Variants in MMS19 observed in about 807,000 individuals in gnomAD.
The protein encoded by MMS19 is MMS19 nucleotide excision repair protein homolog.
In MMS19, 77 loss-of-function variants were observed where a neutral mutation model predicts 129.8. The ratio of observed to expected loss-of-function variants is 0.59; its 90% CI spans 0.49 to 0.72. The LOEUF (loss-of-function observed/expected upper bound fraction) is 0.72. MMS19 is among the 30% of genes least tolerant of loss of function. MMS19 has a pLI of 0.00. For synonymous variants in MMS19, 491 were observed against 502.8 expected, an observed-to-expected ratio of 0.98 and a Z score of 0.31; for missense variants, 1,168 against 1,266.3, an observed-to-expected ratio of 0.92 and a Z score of 1.18.
rs1564694696 is a variant in MMS19, at chr10:97,486,861, C to CTATATATATATATATATATA, written c.113-2711_113-2710insTATATATATATATATATATA. 5.1e-4 allele frequency among the ~76,000 whole-genome samples: 8 copies of CTATATATATATATATATATA among 15,612 alleles called. 1 individual carries two copies. The highest frequency in any genetic ancestry group is 4.7e-3 in the South Asian group (2 of 430). 10.2% of individuals were successfully genotyped at this position (15,612 alleles called of 152,430 possible). On this transcript the variant is annotated intron_variant, in intron 1 of 30. Transcript: ENST00000438925. ...ATAAGCTTATCCTGAAATTAAAGTG[C>CTATATATATATATATATATA]CATATATATATATATATATATATAT...
At chr10:97,483,261 C>T (rs1030548889) in intron 2 of MMS19, among the ~76,000 whole-genome samples, 2 of 152,038 alleles carry the variant, frequency 1.3e-5, no homozygotes, top group Non-Finnish European at 2.9e-5. Context: ...ACCTTGTTGC[C>T]CAGGCTGGTC....
At chr10:97,485,026 C>T (rs2135481552) in intron 1 of MMS19, among the ~76,000 whole-genome samples, 1 of 152,328 alleles carries the variant, frequency 6.6e-6, no homozygotes, top group East Asian at 1.9e-4. Flanking sequence ...CCTCCCATCT[C>T]AGTCTCCCAA....
chr10:97,496,056 C>A (rs2039723282), intron 1 of MMS19, among the ~76,000 whole-genome samples: 1 of 152,326 alleles, frequency 6.6e-6, no homozygotes, highest in African/African-American at 2.4e-5. Flanking sequence ...GTTGGCATTA[C>A]AGGCGTGAGC....
intron 20 of MMS19, 90 bp downstream of exon 20, chr10:97,462,493 A>C (rs1193405535): frequency 1.1e-6 from 1 of 892,620 alleles, no homozygotes; most frequent in Non-Finnish European, 1.8e-6. Context: ...TATAGGTAAA[A>C]GGACAGCTGA....
At chr10:97,480,734 C>T (rs541204746) in intron 3 of MMS19, among the ~76,000 whole-genome samples, 1 of 152,292 alleles carries the variant, frequency 6.6e-6, no homozygotes, top group South Asian at 2.1e-4. Context: ...ACACCATGCC[C>T]AGCTAACGTT....
intron 23 of MMS19, 27 bp from the exon 24 acceptor site, chr10:97,461,034 A>G (rs781190166): frequency 6.6e-7 from 1 of 1,511,628 alleles, no homozygotes; most frequent in Non-Finnish European, 9.0e-7. Flanking sequence ...AAATGCTGAC[A>G]TAAAGGCTAC....
intron 1 of MMS19, among the ~76,000 whole-genome samples, chr10:97,492,991 G>C (rs897424517): frequency 2.6e-5 from 4 of 152,042 alleles, no homozygotes; most frequent in South Asian, 4.2e-4. Context: ...TAGTCTGTTG[G>C]AGCAGAAAGA....
In MMS19 at chr10:97,458,644, G is replaced by A; in HGVS notation, c.*48C>T. On this transcript the variant is annotated 3_prime_UTR_variant, in exon 31 of 31. Coordinates refer to ENST00000438925, the MANE Select transcript of MMS19 (RefSeq NM_022362.5). ...TTTGGGGAAGATGGCTCAACAGTTAGTAATCCCAGGTTAGATTGTCAGAAC... is the reference window on the plus strand; with the variant it reads ...TTTGGGGAAGATGGCTCAACAGTTAATAATCCCAGGTTAGATTGTCAGAAC... 1 of 1,558,754 alleles carries A rather than the reference G, an allele frequency of 6.4e-7. No individual in the cohort carries two copies. The highest frequency in any genetic ancestry group is 8.7e-7 in the Non-Finnish European group (1 of 1,149,908).
chr10:97,460,628 G>A, intron 25 of MMS19, 67 bp downstream of exon 25: 1 of 1,314,568 alleles, frequency 7.6e-7, no homozygotes, highest in Non-Finnish European at 1.1e-6. Flanking sequence ...GAAGTCCTTG[G>A]GAGGAATAGG....
chr10:97,475,902 T>G (rs1269765378), intron 8 of MMS19, among the ~76,000 whole-genome samples: 1 of 152,226 alleles, frequency 6.6e-6, no homozygotes, highest in Non-Finnish European at 1.5e-5. Flanking sequence ...AAGATTCATT[T>G]CAGGAGACAG....
intron 1 of MMS19, among the ~76,000 whole-genome samples, chr10:97,488,623 C>CTT (rs2038330762): frequency 6.6e-6 from 1 of 152,220 alleles, no homozygotes; most frequent in African/African-American, 2.4e-5. Flanking sequence ...TTAATACAAT[C>CTT]TAAGTGCTAC....
At chr10:97,498,532 C>T, upstream of MMS19, 1 of 1,133,784 alleles carries the variant, frequency 8.8e-7, no homozygotes, top group Non-Finnish European at 1.2e-6. Context: ...TAGGCAGTTC[C>T]AGGGAGGGGC....
At position 97,461,488 on chromosome 10, in the gene MMS19, C is replaced by G. The variant is rs746361789; in HGVS notation, c.2311+8G>C. The G allele has an allele frequency of 2.1e-5, 34 of 1,606,840 alleles. No individual in the cohort carries two copies. Among genetic ancestry groups the G allele is most frequent in the Non-Finnish European group, 2.9e-5 (34 of 1,176,708 alleles). Reference sequence around the variant, plus strand: ...TGGGAGGCTCCTTACATAGTCTGATCTCAGTACCTGCAGGGTGCTTGTTGA... The same window carrying G: ...TGGGAGGCTCCTTACATAGTCTGATGTCAGTACCTGCAGGGTGCTTGTTGA... On this transcript the variant is annotated splice_region_variant and intron_variant, in intron 23 of 30. Transcript: ENST00000438925.
Position 97,459,262 on chromosome 10 carries a change from C to G in MMS19, c.2925G>C (p.Leu975=), listed in dbSNP as rs756047935. Reference sequence around the variant, plus strand: ...GGCGAGTGAGAGCATGCATGCACTGCAGTGCGGCGATCCGGACAGCCTGGA... The same window carrying G: ...GGCGAGTGAGAGCATGCATGCACTGGAGTGCGGCGATCCGGACAGCCTGGA... ...SPSMAVRIAA[L]QCMHALTRLP... is the part of the protein sequence containing the mutation. The change falls in exon 29 of 31, where the codon CTG becomes CTC. Residue 975 remains leucine (L), a synonymous_variant. Coordinates refer to ENST00000438925, the MANE Select transcript of MMS19 (RefSeq NM_022362.5). 4 of 1,613,058 alleles carry G rather than the reference C, an allele frequency of 2.5e-6. No individual in the cohort carries two copies. The African/African-American group carries it at 5.3e-5, about 22-fold the overall frequency.
At chr10:97,460,423 T>G in intron 25 of MMS19, 191 bp from the exon 26 acceptor site, 1 of 627,168 alleles carries the variant, frequency 1.6e-6, no homozygotes. Context: ...ATACAAACAT[T>G]AGTTGGGTGT....
chr10:97,469,730 A>AG lies in MMS19; in HGVS notation c.847-8dup, dbSNP rs2034285344. 1 of 1,613,336 alleles carries AG rather than the reference A, an allele frequency of 6.2e-7. No homozygotes were observed. Among genetic ancestry groups the AG allele is most frequent in the Admixed American group, 1.7e-5 (1 of 60,000 alleles). ...ACACAGCACAGCAAGCATTCTGCCA[A>AG]GGAAACCGCTGCTATCAGTTATGTA... On this transcript the variant is annotated splice_polypyrimidine_tract_variant and splice_region_variant and intron_variant, in intron 10 of 30. Transcript: ENST00000438925.
intron 8 of MMS19, among the ~76,000 whole-genome samples, chr10:97,473,628 G>T (rs555994879): frequency 2.6e-5 from 4 of 151,922 alleles, no homozygotes; most frequent in African/African-American, 9.7e-5. Flanking sequence ...TGTTGACATT[G>T]TTTGGCTAAG....
Position 97,478,303 on chromosome 10 carries a change from C to T in MMS19, c.348+1G>A. On this transcript the variant is annotated splice_donor_variant, in intron 4 of 30. Coordinates refer to ENST00000438925, the MANE Select transcript of MMS19 (RefSeq NM_022362.5). LOFTEE classifies it high-confidence loss of function. ...ATGTAATGAAATGAAGGAAAACTCA[C>T]AAGTGCCTTCAAACCCTGCAGGACA... 6.3e-7 allele frequency: 1 copy of T among 1,592,402 alleles called. No individual in the cohort carries two copies. Among genetic ancestry groups the T allele is most frequent in the Non-Finnish European group, 8.6e-7 (1 of 1,169,058 alleles).
chr10:97,475,002 C>T (rs1460675818), intron 8 of MMS19, among the ~76,000 whole-genome samples: 1 of 152,170 alleles, frequency 6.6e-6, no homozygotes, highest in East Asian at 1.9e-4. Flanking sequence ...GGAATTTATT[C>T]TATCATTATA....
Sources: gnomAD v4.1 joint callset for allele counts (sites outside exome capture counted in the v4.1 genomes callset) on GRCh38, gnomAD v4.1.1 for gene constraint, MANE v1.5 for transcripts, NCBI Gene and HGNC (gene_info 2026-07-23, HGNC 2026-07-21) for gene names.